Variants in FOXO3 observed in about 807,000 individuals in gnomAD.
The protein encoded by FOXO3 is forkhead box O3.
A neutral mutation model predicts 41.9 loss-of-function variants in FOXO3; 4 were observed. The ratio of observed to expected loss-of-function variants is 0.10; its 90% confidence interval spans 0.05 to 0.22. The LOEUF is 0.22. Among genes scored for constraint, FOXO3 ranks in the 10% least tolerant of loss-of-function variants. The probability of loss-of-function intolerance (pLI) is 1.00; values close to 1 mark genes in which losing one functional copy is unlikely to be tolerated. For missense variants in FOXO3, 534 were observed against 906.8 expected (o/e 0.59, Z 5.28); for synonymous variants, 318 against 389.3 (o/e 0.82, Z 2.16).
At chr6:108,655,982 G>A (rs991556137) in intron 1 of FOXO3, among the ~76,000 whole-genome samples, 2 of 152,184 alleles carry the variant, frequency 1.3e-5, no homozygotes, top group African/African-American at 4.8e-5. Context: ...TTGAAAGACA[G>A]TCCTTTCCAG....
intron 1 of FOXO3, among the ~76,000 whole-genome samples, chr6:108,616,149 A>C (rs1194129257): frequency 2.2e-5 from 3 of 133,524 alleles, no homozygotes; most frequent in African/African-American, 2.8e-5. Flanking sequence ...CATCACGCCC[A>C]ACTAAGGTTT....
At chr6:108,597,529 G>T (rs1178279977) in intron 1 of FOXO3, among the ~76,000 whole-genome samples, 1 of 152,132 alleles carries the variant, frequency 6.6e-6, no homozygotes, top group Admixed American at 6.5e-5. Context: ...CTAACAAATG[G>T]ATAATGACTA....
chr6:108,582,700 G>A (rs920126146), intron 1 of FOXO3, among the ~76,000 whole-genome samples: 3 of 151,188 alleles, frequency 2.0e-5, no homozygotes, highest in Admixed American at 2.0e-4. Flanking sequence ...TTTTTCTCTT[G>A]TTTTTGAGTG....
At chr6:108,562,729 C>CT (rs1429203980) in intron 1 of FOXO3, among the ~76,000 whole-genome samples, 1 of 152,184 alleles carries the variant, frequency 6.6e-6, no homozygotes, top group Non-Finnish European at 1.5e-5. Flanking sequence ...TCTACCGTTC[C>CT]TTATCATCCT....
At chr6:108,672,120 A>G (rs867259075) in intron 2 of FOXO3, among the ~76,000 whole-genome samples, 1 of 152,196 alleles carries the variant, frequency 6.6e-6, no homozygotes. Flanking sequence ...GAACCTGGCA[A>G]TGCCATCTTT....
chr6:108,609,499 C>T (rs1777298888), intron 1 of FOXO3, among the ~76,000 whole-genome samples: 1 of 152,116 alleles, frequency 6.6e-6, no homozygotes, highest in Non-Finnish European at 1.5e-5. Flanking sequence ...TTAAAATCAG[C>T]CAAAATACGA....
intron 1 of FOXO3, among the ~76,000 whole-genome samples, chr6:108,619,021 T>C (rs893010573): frequency 1.3e-5 from 2 of 152,250 alleles, no homozygotes; most frequent in Non-Finnish European, 2.9e-5. Flanking sequence ...TGTTTCACTG[T>C]TCTCAGAAAT....
intron 1 of FOXO3, among the ~76,000 whole-genome samples, chr6:108,571,799 G>C (rs978652316): frequency 6.6e-6 from 1 of 152,154 alleles, no homozygotes. Flanking sequence ...ATGGTAATTC[G>C]TTATGGCAGT....
chr6:108,561,648 C>G lies in FOXO3; in HGVS notation c.440C>G (p.Pro147Arg), dbSNP rs1471924689. The G allele has an allele frequency of 1.3e-6, 2 of 1,590,114 alleles. No individual in the cohort carries two copies. Among genetic ancestry groups the G allele is most frequent in the Admixed American group, 1.8e-5 (1 of 56,624 alleles). The change falls in exon 1 of 3, where the codon CCG becomes CGG. Residue 147 changes from proline to arginine, a missense_variant. Pro to Arg is a moderately radical substitution (Grantham distance 103, BLOSUM62 -2). Around this residue, in one of 8 missense-constraint regions of FOXO3, gnomAD observed 77 missense variants for 193.2 expected, o/e 0.40. Transcript: ENST00000406360. ...QPGAAGGSGQPRKCSSRRNAW... is the reference protein window; with the variant it reads ...QPGAAGGSGQRRKCSSRRNAW... ...GGGGCGGCTGGGGGCTCCGGGCAGC[C>G]GAGGAAATGTTCGTCGCGGCGGAAC...
intron 1 of FOXO3, among the ~76,000 whole-genome samples, chr6:108,640,566 T>G (rs34386210): frequency 6.6e-6 from 1 of 152,196 alleles, no homozygotes; most frequent in Non-Finnish European, 1.5e-5. Flanking sequence ...GTTTAAAGTG[T>G]TTTTTTAATG....
At chr6:108,615,008 A>G (rs1347560748) in intron 1 of FOXO3, among the ~76,000 whole-genome samples, 2 of 152,086 alleles carry the variant, frequency 1.3e-5, no homozygotes, top group Non-Finnish European at 2.9e-5. Flanking sequence ...GCCACTTTAC[A>G]TGGAGTATAA....
intron 1 of FOXO3, among the ~76,000 whole-genome samples, chr6:108,645,532 T>C (rs987626078): frequency 4.0e-5 from 6 of 151,510 alleles, no homozygotes; most frequent in African/African-American, 1.5e-4. Flanking sequence ...TAATATAGCC[T>C]CTTAGCTATA....
chr6:108,596,127 C>A (rs1776876611), intron 1 of FOXO3, among the ~76,000 whole-genome samples: 1 of 152,026 alleles, frequency 6.6e-6, no homozygotes, highest in South Asian at 2.1e-4. Flanking sequence ...CCATGAAGGT[C>A]AAATGCTTTA....
intron 1 of FOXO3, among the ~76,000 whole-genome samples, chr6:108,632,094 G>A (rs915293519): frequency 2.0e-5 from 3 of 152,150 alleles, no homozygotes; most frequent in African/African-American, 7.2e-5. Flanking sequence ...TCTTAGTTGG[G>A]TAGTGCTGTG....
At chr6:108,630,006 T>C (rs1284015828) in intron 1 of FOXO3, among the ~76,000 whole-genome samples, 1 of 152,218 alleles carries the variant, frequency 6.6e-6, no homozygotes, top group Non-Finnish European at 1.5e-5. Context: ...GGTCTTAAAA[T>C]GTTTTTAAAC....
chr6:108,657,000 T>A (rs541590199), intron 1 of FOXO3, among the ~76,000 whole-genome samples: 4 of 152,326 alleles, frequency 2.6e-5, no homozygotes, highest in African/African-American at 9.6e-5. Flanking sequence ...GTGAATTCCA[T>A]CATGCTGCCT....
chr6:108,610,020 T>G (rs1378397169), intron 1 of FOXO3, among the ~76,000 whole-genome samples: 1 of 152,202 alleles, frequency 6.6e-6, no homozygotes, highest in Non-Finnish European at 1.5e-5. Flanking sequence ...TCCTTGCAGA[T>G]TTGGCCATAT....
chr6:108,625,789 A>G (rs1777798992), intron 1 of FOXO3, among the ~76,000 whole-genome samples: 1 of 152,136 alleles, frequency 6.6e-6, no homozygotes, highest in South Asian at 2.1e-4. Context: ...CATTTGCCTT[A>G]TCTTTAAAAT....
At chr6:108,634,974 A>G (rs1778083186) in intron 1 of FOXO3, among the ~76,000 whole-genome samples, 1 of 151,698 alleles carries the variant, frequency 6.6e-6, no homozygotes, top group African/African-American at 2.4e-5. Flanking sequence ...GCATGTATAT[A>G]TATATTCATA....
Sources: allele counts gnomAD v4.1 joint callset (sites outside exome capture counted in the v4.1 genomes callset), GRCh38; gene constraint gnomAD v4.1.1; regional missense constraint gnomAD v4.1.1; transcripts MANE v1.5; gene names NCBI Gene and HGNC (gene_info 2026-07-23, HGNC 2026-07-21).